SLC47A2: variants seen among roughly 807,000 people sequenced by gnomAD.
SLC47A2 encodes solute carrier family 47 member 2.
A neutral mutation model predicts 67.7 loss-of-function variants in SLC47A2; 52 were observed. That is an observed-to-expected ratio of 0.77 (90% confidence interval 0.61 to 0.97). The LOEUF (loss-of-function observed/expected upper bound fraction) is 0.97, where lower values mean the gene tolerates loss of function less well. SLC47A2 is among the 50% of genes least tolerant of loss of function. The pLI, the probability that SLC47A2 is intolerant of heterozygous loss-of-function variation, is 0.00. For missense variants in SLC47A2, 676 were observed against 712.3 expected (o/e 0.95, Z 0.58); for synonymous variants, 278 against 292.9 (o/e 0.95, Z 0.52).
At chr17:19,691,006 T>C (rs1175242237) in intron 13 of SLC47A2, among the ~76,000 whole-genome samples, 2 of 151,802 alleles carry the variant, frequency 1.3e-5, no homozygotes, top group Non-Finnish European at 2.9e-5. Flanking sequence ...CCTATAATCC[T>C]AGCTACTCGG....
chr17:19,686,123 A>G (rs1443092409), intron 13 of SLC47A2, among the ~76,000 whole-genome samples: 1 of 152,090 alleles, frequency 6.6e-6, no homozygotes, highest in Admixed American at 6.6e-5. Flanking sequence ...TTAGCCGGGC[A>G]TGGAGGTGAG....
chr17:19,678,582 T>A lies in SLC47A2; in HGVS notation c.*104A>T. ...TCTTTTTTTGAGGAGTGGTTCAAAGTGTCCACCTGCACTAGACCCCATTGG... is the reference window on the plus strand; with the variant it reads ...TCTTTTTTTGAGGAGTGGTTCAAAGAGTCCACCTGCACTAGACCCCATTGG... On this transcript the variant is annotated 3_prime_UTR_variant, in exon 17 of 17. Coordinates refer to ENST00000433844, the MANE Select transcript of SLC47A2 (RefSeq NM_001099646.3). 8.3e-7 allele frequency: 1 copy of A among 1,204,584 alleles called. No individual in the cohort carries two copies. Among genetic ancestry groups the A allele is most frequent in the Non-Finnish European group, 1.2e-6 (1 of 832,254 alleles). The allele number at this position is 1,204,584 out of a possible 1,614,324, so 74.6% of individuals were successfully genotyped here.
At chr17:19,713,797 C>A in intron 4 of SLC47A2, 28 bp downstream of exon 4, 2 of 1,594,936 alleles carry the variant, frequency 1.3e-6, no homozygotes, top group Non-Finnish European at 8.6e-7. Flanking sequence ...CCAGCAAGCC[C>A]CACCTCCCCA....
At chr17:19,696,341 A>G (rs563688239) in intron 13 of SLC47A2, among the ~76,000 whole-genome samples, 27 of 151,462 alleles carry the variant, frequency 1.8e-4, no homozygotes, top group Admixed American at 1.8e-3. Context: ...GCGCACCTGT[A>G]GTCCCAGCTA....
At chr17:19,686,384 GA>G (rs2085429231) in intron 13 of SLC47A2, among the ~76,000 whole-genome samples, 1 of 152,100 alleles carries the variant, frequency 6.6e-6, no homozygotes, top group Non-Finnish European at 1.5e-5. Flanking sequence ...AAGACAAGAA[GA>G]AAGGAAGAGA....
intron 13 of SLC47A2, among the ~76,000 whole-genome samples, chr17:19,687,416 C>T (rs2085451599): frequency 6.6e-6 from 1 of 151,890 alleles, no homozygotes; most frequent in Admixed American, 6.6e-5. Context: ...AATTAGTAGT[C>T]TGTGTCCTGT....
chr17:19,708,650 C>T (rs2086013065), intron 6 of SLC47A2, 66 bp downstream of exon 6: 1 of 1,605,186 alleles, frequency 6.2e-7, no homozygotes, highest in South Asian at 1.1e-5. Flanking sequence ...AGCCCCAGGC[C>T]CCCCTCCCAC....
In SLC47A2 at chr17:19,705,563, G is replaced by A. The variant is rs368004089; in HGVS notation, c.842-60C>T. 1.1e-4 allele frequency: 160 copies of A among 1,510,656 alleles called. 2 individuals are homozygous for A. Among genetic ancestry groups the A allele is most frequent in the African/African-American group, 1.4e-4 (10 of 71,036 alleles). 93.6% of individuals were successfully genotyped at this position (1,510,656 alleles called of 1,614,324 possible). A position where few individuals can be genotyped will look rare whatever the true frequency, so the allele number is the denominator to read the frequency against. On this transcript the variant is annotated intron_variant, in intron 9 of 16. Transcript: ENST00000433844. ...GCCCCAGACACCCAGACCCTGCGCC[G>A]ACAGGACGCTGCTTTGCTTTGGGGA...
intron 13 of SLC47A2, among the ~76,000 whole-genome samples, chr17:19,697,751 C>CT (rs563463732): frequency 0.021 from 2,894 of 136,418 alleles, 41 homozygotes; most frequent in East Asian, 0.078. Flanking sequence ...CTATGCCCAG[C>CT]TTTTTTTTTT....
chr17:19,711,311 G>GA (rs2086087388), intron 5 of SLC47A2, among the ~76,000 whole-genome samples: 1 of 151,462 alleles, frequency 6.6e-6, no homozygotes, highest in African/African-American at 2.4e-5. Context: ...AGAAATGCAG[G>GA]CCAGGCGTGG....
chr17:19,711,081 T>C (rs2086081057), intron 5 of SLC47A2, among the ~76,000 whole-genome samples: 1 of 151,814 alleles, frequency 6.6e-6, no homozygotes, highest in Non-Finnish European at 1.5e-5. Flanking sequence ...AGTGCTGGGA[T>C]TACAGGCGTG....
upstream of SLC47A2, chr17:19,716,876 G>C: frequency 3.5e-6 from 1 of 287,448 alleles, no homozygotes. Context: ...TGCCTGCAGT[G>C]GCTGTGGGAG....
intron 13 of SLC47A2, among the ~76,000 whole-genome samples, chr17:19,688,968 C>T (rs1466105512): frequency 3.9e-5 from 6 of 151,998 alleles, no homozygotes; most frequent in Admixed American, 3.9e-4. Context: ...TGAGCTCAAG[C>T]AGTCCTCCCA....
At chr17:19,679,887 A>G in intron 16 of SLC47A2, 65 bp downstream of exon 16, 2 of 1,512,790 alleles carry the variant, frequency 1.3e-6, no homozygotes, top group Non-Finnish European at 1.8e-6. Flanking sequence ...CAGAGGGCAG[A>G]CAAGAGCAAC....
chr17:19,707,762 G>A lies in SLC47A2; in HGVS notation c.711C>T (p.His237=), dbSNP rs779247287. ...GCCTCCCACCTGCCCACGTCTCCAG[G>A]TGCAGCTTCTTCAGCACAATGTAGA... ...LLLYIVLKKL[H]LETWAGWSSQ... is the part of the protein sequence containing the mutation. The change falls in exon 8 of 17, where the codon CAC becomes CAT. Residue 237 remains histidine (H), a synonymous_variant. Transcript: ENST00000433844. 4.2e-5 allele frequency: 67 copies of A among 1,595,540 alleles called. No homozygotes were observed. The highest frequency in any genetic ancestry group is 5.7e-5 in the Non-Finnish European group (67 of 1,171,616).
intron 15 of SLC47A2, among the ~76,000 whole-genome samples, chr17:19,681,016 A>G (rs2085300228): frequency 6.6e-6 from 1 of 152,080 alleles, no homozygotes. Context: ...GATCGAGACC[A>G]TCCTGGCTAA....
intron 15 of SLC47A2, among the ~76,000 whole-genome samples, chr17:19,680,476 T>C (rs1376024273): frequency 6.6e-6 from 1 of 152,180 alleles, no homozygotes; most frequent in Non-Finnish European, 1.5e-5. Context: ...CGATACTCCA[T>C]CTCAAATAAA....
chr17:19,697,058 G>A (rs1268538456), intron 13 of SLC47A2, among the ~76,000 whole-genome samples: 2 of 152,244 alleles, frequency 1.3e-5, no homozygotes, highest in Non-Finnish European at 2.9e-5. Context: ...CTGGGAGGCT[G>A]AGGCGGGCGG....
chr17:19,696,748 C>G lies in SLC47A2; in HGVS notation c.1164+5857G>C, dbSNP rs2085673261. Reference sequence around the variant, plus strand: ...TACTTTGTTATGGCAGTGCTAGTGTCTTAGTCCATTTTGTGTTGCTATAAC... The same window carrying G: ...TACTTTGTTATGGCAGTGCTAGTGTGTTAGTCCATTTTGTGTTGCTATAAC... On this transcript the variant is annotated intron_variant, in intron 13 of 16. Coordinates refer to ENST00000433844, the MANE Select transcript of SLC47A2 (RefSeq NM_001099646.3). Among the ~76,000 whole-genome samples, 3 of 152,178 alleles carry G rather than the reference C, an allele frequency of 2.0e-5. No homozygotes were observed. The South Asian group carries it at 6.2e-4, about 32-fold the overall frequency.
Sources: gnomAD v4.1 joint callset for allele counts (sites outside exome capture counted in the v4.1 genomes callset) on GRCh38, gnomAD v4.1.1 for gene constraint, MANE v1.5 for transcripts, NCBI Gene and HGNC (gene_info 2026-07-23, HGNC 2026-07-21) for gene names.